EVC2: variants seen among roughly 807,000 people sequenced by gnomAD.
EVC2 encodes the protein EvC ciliary complex subunit 2, also known as limbin.
Under a neutral mutation model 149.3 loss-of-function variants are expected in EVC2, and 148 were observed. The ratio of observed to expected loss-of-function variants is 0.99; its 90% CI spans 0.87 to 1.14. The LOEUF (loss-of-function observed/expected upper bound fraction) is 1.14, where lower values mean the gene tolerates loss of function less well. Among genes scored for constraint, EVC2 ranks in the 50% most tolerant of loss-of-function variants. The probability of loss-of-function intolerance (pLI) is 0.00; values close to 1 mark genes in which losing one functional copy is unlikely to be tolerated. For missense variants in EVC2, 1,854 were observed against 1,627.3 expected (o/e 1.14, Z -2.40); for synonymous variants, 776 against 649.9 (o/e 1.19, Z -2.95).
chr4:5,593,884 G>T (rs558717857), intron 16 of EVC2, among the ~76,000 whole-genome samples: 1 of 152,184 alleles, frequency 6.6e-6, no homozygotes, highest in Non-Finnish European at 1.5e-5. Context: ...GCGCTTTTCC[G>T]AAGGGCTTAA....
intron 1 of EVC2, among the ~76,000 whole-genome samples, chr4:5,698,456 G>A (rs1170716937): frequency 2.0e-5 from 3 of 152,132 alleles, no homozygotes; most frequent in Non-Finnish European, 4.4e-5. Context: ...TCTGAAAAGT[G>A]ACCTCAAAGC....
At chr4:5,583,257 ATTTTGTTT>A (rs1285493046) in intron 17 of EVC2, among the ~76,000 whole-genome samples, 2 of 152,174 alleles carry the variant, frequency 1.3e-5, no homozygotes, top group African/African-American at 4.8e-5. Context: ...GTATTCTGCT[ATTTTGTTT>A]TCAAATGGTA....
At chr4:5,539,464 C>T (rs1033972741), downstream of EVC2, among the ~76,000 whole-genome samples, 1 of 151,986 alleles carries the variant, frequency 6.6e-6, no homozygotes, top group Admixed American at 6.6e-5. Context: ...TGCAATGGAC[C>T]TATGATAGCC....
the EVC2 span, among the ~76,000 whole-genome samples, chr4:5,533,822 A>T: frequency 6.6e-6 from 1 of 152,184 alleles, no homozygotes; most frequent in African/African-American, 2.4e-5. Flanking sequence ...CTGAGCTGAA[A>T]CCCAAATGGC....
intron 21 of EVC2, among the ~76,000 whole-genome samples, chr4:5,554,144 G>C (rs549964027): frequency 6.6e-6 from 1 of 152,180 alleles, no homozygotes; most frequent in Non-Finnish European, 1.5e-5. Flanking sequence ...CTCACTCATA[G>C]GACAAGGAAA....
chr4:5,695,730 TCAA>T (rs1442852178), intron 2 of EVC2, among the ~76,000 whole-genome samples: 1 of 152,230 alleles, frequency 6.6e-6, no homozygotes, highest in Non-Finnish European at 1.5e-5. Context: ...TGTGCCTTCT[TCAA>T]CATTTGTCTT....
chr4:5,591,296 C>T (rs921454033), intron 16 of EVC2, among the ~76,000 whole-genome samples: 1 of 152,152 alleles, frequency 6.6e-6, no homozygotes, highest in African/African-American at 2.4e-5. Context: ...CTTCCTAGCC[C>T]GTCAGAAGGG....
At chr4:5,668,803 T>G (rs1326357483) in intron 7 of EVC2, among the ~76,000 whole-genome samples, 2 of 152,206 alleles carry the variant, frequency 1.3e-5, no homozygotes, top group Non-Finnish European at 2.9e-5. Context: ...ATCTCTGGGC[T>G]AGGTAAATGT....
chr4:5,598,156 T>C (rs1364609789), intron 16 of EVC2, among the ~76,000 whole-genome samples: 1 of 151,840 alleles, frequency 6.6e-6, no homozygotes, highest in Admixed American at 6.5e-5. Flanking sequence ...AGGTAATTTA[T>C]AGATTCAATG....
downstream of EVC2, among the ~76,000 whole-genome samples, chr4:5,560,111 A>G (rs1025961430): frequency 2.6e-5 from 4 of 151,602 alleles, no homozygotes; most frequent in African/African-American, 9.7e-5. The surrounding 1 kb of genome is among the most constrained non-coding windows in gnomAD (Gnocchi z 4.1). Flanking sequence ...CTCCTTAAAG[A>G]CAGAATACAC....
chr4:5,571,453 TA>T (rs113238342), intron 19 of EVC2, among the ~76,000 whole-genome samples: 192 of 146,024 alleles, frequency 1.3e-3, no homozygotes, highest in Non-Finnish European at 1.6e-3. Context: ...AATTAAAATA[TA>T]AAAAAAAAAT....
intron 21 of EVC2, among the ~76,000 whole-genome samples, chr4:5,552,695 CT>C (rs1238319757): frequency 2.0e-4 from 31 of 152,264 alleles, no homozygotes; most frequent in African/African-American, 7.0e-4. Flanking sequence ...AATTTTAAGG[CT>C]GCAGATCAAG....
Position 5,622,153 on chromosome 4 carries a change from GT to G in EVC2, c.2501+383del, listed in dbSNP as rs1715734084. ...TTCCCCCTCTGCTCCTGTGGATCATGTCCCCTCCCCAGGGGACATTTCTTAT... is the reference window on the plus strand; with the variant it reads ...TTCCCCCTCTGCTCCTGTGGATCATGCCCCTCCCCAGGGGACATTTCTTAT... On this transcript the variant is annotated intron_variant, in intron 14 of 21. Transcript: ENST00000344408. The surrounding 1 kb of genome is among the most constrained non-coding windows in gnomAD (Gnocchi z 5.8). Among the ~76,000 whole-genome samples the G allele has an allele frequency of 2.0e-5, 3 of 152,028 alleles. No homozygotes were observed. In the South Asian group the frequency reaches 6.2e-4, roughly 32 times the overall value.
In EVC2 at chr4:5,694,514, A is replaced by G; in HGVS notation, c.284-13T>C. 1.2e-6 allele frequency: 2 copies of G among 1,614,218 alleles called. No homozygotes were observed. Among genetic ancestry groups the G allele is most frequent in the South Asian group, 1.1e-5 (1 of 91,080 alleles). The stretch of plus-strand genomic sequence containing the variant: ...AGTGGTGCTTCCACTGCAAAACAAC[A>G]ACACACCCGTTTTATATAATGCGGA... On this transcript the variant is annotated splice_polypyrimidine_tract_variant and intron_variant, in intron 2 of 21. Coordinates refer to ENST00000344408, the MANE Select transcript of EVC2 (RefSeq NM_147127.5).
At position 5,625,717 on chromosome 4, in the gene EVC2, G is replaced by A. The variant is rs767850376; in HGVS notation, c.2046+32C>T. 5 of 1,613,618 alleles carry A rather than the reference G, an allele frequency of 3.1e-6. No homozygotes were observed. Among genetic ancestry groups the A allele is most frequent in the African/African-American group, 1.3e-5 (1 of 74,934 alleles). Reference sequence around the variant, plus strand: ...TTGATGGGTATCAGAAAGTGCCTATGCAAAGAATAAATAGCATCATGCCTT... The same window carrying A: ...TTGATGGGTATCAGAAAGTGCCTATACAAAGAATAAATAGCATCATGCCTT... On this transcript the variant is annotated intron_variant, in intron 13 of 21. Coordinates refer to ENST00000344408, the MANE Select transcript of EVC2 (RefSeq NM_147127.5). The surrounding 1 kb of genome is among the most constrained non-coding windows in gnomAD (Gnocchi z 4.0).
At chr4:5,694,601 TA>T in intron 2 of EVC2, 100 bp from the exon 3 acceptor site, 1 of 1,382,928 alleles carries the variant, frequency 7.2e-7, no homozygotes, top group East Asian at 2.3e-5. Context: ...GGAAGGTACT[TA>T]GAAGACGTTT....
rs180797671 is a variant in EVC2 at position 5,650,421 on chromosome 4, C to G, written c.1146-9583G>C. 1.7e-3 allele frequency among the ~76,000 whole-genome samples: 257 copies of G among 151,990 alleles called. 2 individuals carry two copies. The highest frequency in any genetic ancestry group is 3.9e-3 in the Admixed American group (59 of 15,224). ...TTTGGAAGCATGGGCTTGGAAGTCA[C>G]ATTAACTTAGCTTCTAATATCAGCT... On this transcript the variant is annotated intron_variant, in intron 9 of 21. Coordinates refer to ENST00000344408, the MANE Select transcript of EVC2 (RefSeq NM_147127.5).
chr4:5,626,793 T>C (rs1182729981), intron 12 of EVC2, among the ~76,000 whole-genome samples: 1 of 152,084 alleles, frequency 6.6e-6, no homozygotes, highest in Non-Finnish European at 1.5e-5. Context: ...AAAGAGGAAT[T>C]TGTCCCTTTT....
intron 7 of EVC2, among the ~76,000 whole-genome samples, chr4:5,671,971 T>C (rs1285491603): frequency 6.6e-6 from 1 of 152,256 alleles, no homozygotes; most frequent in Non-Finnish European, 1.5e-5. Flanking sequence ...ACTTTCCTGA[T>C]GTTAATTCAC....
Sources: gnomAD v4.1 joint callset for allele counts (sites outside exome capture counted in the v4.1 genomes callset) on GRCh38, gnomAD v4.1.1 for gene constraint, Gnocchi (gnomAD v3.1) non-coding constraint, MANE v1.5 for transcripts, NCBI Gene and HGNC (gene_info 2026-07-23, HGNC 2026-07-21) for gene names.